Variants in TM2D1 observed in about 807,000 individuals in gnomAD.
TM2D1 encodes TM2 domain containing 1.
In TM2D1, 15 loss-of-function variants were observed where a neutral mutation model predicts 28.4. The observed-to-expected ratio is 0.53, with a 90% CI of 0.35 to 0.81. The LOEUF (loss-of-function observed/expected upper bound fraction) is 0.81, where lower values mean the gene tolerates loss of function less well. Among genes scored for constraint, TM2D1 ranks in the 40% least tolerant of loss-of-function variants. The pLI is 0.01. For synonymous variants in TM2D1, 93 were observed against 96.2 expected (o/e 0.97, Z 0.20); for missense variants, 236 against 254.9 (o/e 0.93, Z 0.50).
chr1:61,701,882 G>C (rs894672827), intron 3 of TM2D1, among the ~76,000 whole-genome samples: 3 of 152,090 alleles, frequency 2.0e-5, no homozygotes, highest in African/African-American at 7.2e-5. Flanking sequence ...GGGAATGAGG[G>C]AAAAGGAGAA....
chr1:61,698,379 G>C (rs1644378267), intron 4 of TM2D1: 1 of 152,202 alleles, frequency 6.6e-6, no homozygotes, highest in Non-Finnish European at 1.5e-5. Context: ...GACCAACATG[G>C]AGAAACCCTG....
intron 1 of TM2D1, chr1:61,724,368 G>C (rs535192430): frequency 6.6e-6 from 1 of 152,526 alleles, no homozygotes; most frequent in Admixed American, 6.5e-5. Context: ...GGGAGGCGGA[G>C]GCTGCAGTGA....
chr1:61,719,409 CAGAGAGAG>C (rs59016152), intron 2 of TM2D1, among the ~76,000 whole-genome samples: 1 of 149,222 alleles, frequency 6.7e-6, no homozygotes, highest in Admixed American at 6.7e-5. Context: ...AGTATATACA[CAGAGAGAG>C]AGAGAGAGAG....
At chr1:61,717,363 G>A (rs1372698791) in intron 2 of TM2D1, among the ~76,000 whole-genome samples, 6 of 148,542 alleles carry the variant, frequency 4.0e-5, no homozygotes, top group South Asian at 2.1e-4. Flanking sequence ...GCAAGACTCC[G>A]CCTCAAAAAA....
chr1:61,716,478 A>T (rs1410349526), intron 2 of TM2D1, among the ~76,000 whole-genome samples: 1 of 144,958 alleles, frequency 6.9e-6, no homozygotes, highest in Non-Finnish European at 1.5e-5. Context: ...ATTATATATA[A>T]TTTTATATAC....
intron 6 of TM2D1, among the ~76,000 whole-genome samples, chr1:61,681,630 G>C (rs1404096564): frequency 6.6e-6 from 1 of 152,082 alleles, no homozygotes. Context: ...AATTACATTT[G>C]CTTAATTTTT....
At chr1:61,693,539 C>T (rs1351546026) in intron 5 of TM2D1, among the ~76,000 whole-genome samples, 2 of 152,046 alleles carry the variant, frequency 1.3e-5, no homozygotes, top group Non-Finnish European at 2.9e-5. Flanking sequence ...GCTTGCCTGT[C>T]CCACAGTTAG....
chr1:61,713,833 T>C (rs1644496827), intron 2 of TM2D1, among the ~76,000 whole-genome samples: 1 of 152,010 alleles, frequency 6.6e-6, no homozygotes, highest in Admixed American at 6.6e-5. Context: ...AAATGCACTG[T>C]TTTTTTGAGA....
chr1:61,702,746 G>T (rs910690797), intron 3 of TM2D1, among the ~76,000 whole-genome samples: 2 of 150,800 alleles, frequency 1.3e-5, no homozygotes, highest in African/African-American at 4.9e-5. Context: ...TTCAATTTTA[G>T]GCCTTATATA....
intron 5 of TM2D1, among the ~76,000 whole-genome samples, chr1:61,688,899 C>A (rs1210246177): frequency 6.7e-6 from 1 of 150,272 alleles, no homozygotes; most frequent in African/African-American, 2.4e-5. Flanking sequence ...TAGCTGGGCG[C>A]GGTGGCACAT....
intron 4 of TM2D1, chr1:61,699,423 G>A (rs1359630054): frequency 6.6e-6 from 1 of 152,076 alleles, no homozygotes; most frequent in Non-Finnish European, 1.5e-5. Context: ...GATATCTAAA[G>A]GACCCAACTC....
chr1:61,701,310 C>CAAAAAAAAAAAAAAAAAAAAAA (rs10587870), intron 3 of TM2D1, among the ~76,000 whole-genome samples: 1 of 84,042 alleles, frequency 1.2e-5, no homozygotes, highest in African/African-American at 4.3e-5. Context: ...TAAATGTTAA[C>CAAAAAAAAAAAAAAAAAAAAAA]AAAAAAAAAA....
At chr1:61,693,796 C>G (rs1295912386) in intron 5 of TM2D1, among the ~76,000 whole-genome samples, 1 of 152,164 alleles carries the variant, frequency 6.6e-6, no homozygotes, top group Non-Finnish European at 1.5e-5. Context: ...AGATGATGCT[C>G]TAAATGCAAC....
intron 2 of TM2D1, among the ~76,000 whole-genome samples, chr1:61,711,146 TGG>T (rs532404734): frequency 6.6e-6 from 1 of 151,984 alleles, no homozygotes; most frequent in African/African-American, 2.4e-5. Flanking sequence ...GACACCAGCC[TGG>T]GCAACATGGC....
intron 2 of TM2D1, among the ~76,000 whole-genome samples, chr1:61,714,827 C>A (rs944572796): frequency 1.3e-5 from 2 of 152,170 alleles, no homozygotes; most frequent in African/African-American, 4.8e-5. Context: ...AAGGTGTGAG[C>A]CACCATGCCC....
chr1:61,715,645 CAAAAAAAAAAAAAAAAA>C (rs759796747), intron 2 of TM2D1, among the ~76,000 whole-genome samples: 6 of 16,426 alleles, frequency 3.7e-4, no homozygotes, highest in East Asian at 3.9e-3. Flanking sequence ...AAGACTGTCT[CAAAAAAAAAAAAAAAAA>C]AAAAAAAAAA....
At chr1:61,700,901 C>T in intron 4 of TM2D1, 33 bp downstream of exon 4, 1 of 1,517,762 alleles carries the variant, frequency 6.6e-7, no homozygotes, top group Non-Finnish European at 9.0e-7. Context: ...ATATAGGTTT[C>T]ATAAGGATTT....
chr1:61,717,215 A>AC (rs1644528929), intron 2 of TM2D1, among the ~76,000 whole-genome samples: 1 of 146,440 alleles, frequency 6.8e-6, no homozygotes, highest in African/African-American at 2.6e-5. Flanking sequence ...AAAAAAAAAA[A>AC]CAATTAGCCG....
intron 2 of TM2D1, among the ~76,000 whole-genome samples, chr1:61,713,542 G>GT (rs894866953): frequency 1.3e-5 from 2 of 149,388 alleles, no homozygotes; most frequent in African/African-American, 2.5e-5. Flanking sequence ...ATAAACACAG[G>GT]TTTTTTTTCT....
Sources: allele counts gnomAD v4.1 joint callset (sites outside exome capture counted in the v4.1 genomes callset), GRCh38; gene constraint gnomAD v4.1.1; transcripts MANE v1.5; gene names NCBI Gene and HGNC (gene_info 2026-07-23, HGNC 2026-07-21).